The following RHBDD1 variants were observed in gnomAD, a reference collection of about 807,000 sequenced individuals.
RHBDD1 encodes rhomboid domain containing 1, also known as rhomboid-related protein 4.
In RHBDD1, 38 loss-of-function variants were observed where a neutral mutation model predicts 36.3. That is an observed-to-expected ratio of 1.05 (90% confidence interval 0.81 to 1.37). The LOEUF (loss-of-function observed/expected upper bound fraction) is 1.37. Ranked by LOEUF, RHBDD1 falls within the 40% of genes most tolerant of loss-of-function variation. RHBDD1 has a pLI of 0.00. For missense variants in RHBDD1, 393 were observed against 377.6 expected (o/e 1.04, Z -0.34); for synonymous variants, 151 against 136.5 (o/e 1.11, Z -0.74).
At chr2:226,929,720 A>G (rs1949901807) in intron 8 of RHBDD1, among the ~76,000 whole-genome samples, 1 of 151,986 alleles carries the variant, frequency 6.6e-6, no homozygotes, top group Non-Finnish European at 1.5e-5. Flanking sequence ...TTTGCTGATG[A>G]TATGATTGTA....
intron 8 of RHBDD1, among the ~76,000 whole-genome samples, chr2:226,919,155 A>AATT (rs1949126278): frequency 6.6e-6 from 1 of 152,008 alleles, no homozygotes; most frequent in Non-Finnish European, 1.5e-5. Flanking sequence ...ACAGTTTAAA[A>AATT]ATTAGATTAT....
intron 3 of RHBDD1, among the ~76,000 whole-genome samples, chr2:226,853,660 T>C (rs960811639): frequency 1.3e-5 from 2 of 152,242 alleles, no homozygotes; most frequent in South Asian, 2.1e-4. Context: ...CCAAAACTAC[T>C]GGAAGGACTT....
chr2:226,942,308 G>T (rs145463391), intron 8 of RHBDD1, among the ~76,000 whole-genome samples: 2 of 150,294 alleles, frequency 1.3e-5, no homozygotes, highest in Non-Finnish European at 2.9e-5. Flanking sequence ...GCATGATCTC[G>T]GCTCACTGCA....
At chr2:226,855,398 G>T (rs1041645791) in intron 3 of RHBDD1, among the ~76,000 whole-genome samples, 7 of 152,162 alleles carry the variant, frequency 4.6e-5, no homozygotes, top group Non-Finnish European at 1.0e-4. Flanking sequence ...TCCCAGCTTG[G>T]GAGGCTGCAG....
intron 3 of RHBDD1, among the ~76,000 whole-genome samples, chr2:226,859,842 C>T (rs113998264): frequency 5.9e-5 from 9 of 152,168 alleles, no homozygotes; most frequent in African/African-American, 2.2e-4. Flanking sequence ...CTGGGGAGTC[C>T]AGCTTCAGTT....
At chr2:226,929,909 CAA>C (rs1238774247) in intron 8 of RHBDD1, among the ~76,000 whole-genome samples, 1 of 151,496 alleles carries the variant, frequency 6.6e-6, no homozygotes, top group Non-Finnish European at 1.5e-5. Context: ...TGCAAACAAA[CAA>C]AACAAAAAAC....
At chr2:226,914,799 A>T (rs372299426) in intron 8 of RHBDD1, among the ~76,000 whole-genome samples, 2 of 152,270 alleles carry the variant, frequency 1.3e-5, no homozygotes, top group South Asian at 2.1e-4. Flanking sequence ...TGCTGAACCA[A>T]TCTGTCTGGG....
chr2:226,949,363 G>C (rs547006512), intron 8 of RHBDD1, among the ~76,000 whole-genome samples: 2 of 152,286 alleles, frequency 1.3e-5, no homozygotes, highest in Non-Finnish European at 2.9e-5. Flanking sequence ...TTAGGTTAGG[G>C]GAAGTTGGGG....
intron 5 of RHBDD1, among the ~76,000 whole-genome samples, chr2:226,900,576 G>A (rs566058990): frequency 5.0e-4 from 76 of 152,198 alleles, no homozygotes; most frequent in Middle Eastern, 3.4e-3. Flanking sequence ...TTTGTTAATT[G>A]AACATATATT....
chr2:226,863,206 A>G (rs13430678), intron 3 of RHBDD1, among the ~76,000 whole-genome samples: 35,847 of 151,916 alleles, frequency 0.24, 7,861 homozygotes, highest in African/African-American at 0.59. Flanking sequence ...AGGCATGGTG[A>G]CACATGCCTG....
Position 226,908,817 on chromosome 2 carries a change from T to A in RHBDD1, c.656-5T>A. Reference sequence around the variant, plus strand: ...CATTAAAATGTTTATTTCTTTTACGTTTAGGCGGTTTTTCCTCCAGTGTTG... The same window carrying A: ...CATTAAAATGTTTATTTCTTTTACGATTAGGCGGTTTTTCCTCCAGTGTTG... On this transcript the variant is annotated splice_region_variant and splice_polypyrimidine_tract_variant and intron_variant, in intron 6 of 8. Coordinates refer to ENST00000392062, the MANE Select transcript of RHBDD1 (RefSeq NM_001167608.3). 1 of 1,599,234 alleles carries A rather than the reference T, an allele frequency of 6.3e-7. No individual in the cohort carries two copies. The highest frequency in any genetic ancestry group is 8.6e-7 in the Non-Finnish European group (1 of 1,166,468).
intron 3 of RHBDD1, among the ~76,000 whole-genome samples, chr2:226,847,186 T>C (rs1383229190): frequency 6.6e-6 from 1 of 152,246 alleles, no homozygotes; most frequent in Admixed American, 6.5e-5. Context: ...TTCCCTAATA[T>C]ACAAGTTGCA....
intron 8 of RHBDD1, among the ~76,000 whole-genome samples, chr2:226,993,573 A>G (rs754946868): frequency 6.6e-6 from 1 of 152,244 alleles, no homozygotes; most frequent in Non-Finnish European, 1.5e-5. Context: ...AGATTCCTTT[A>G]CAAATACATA....
chr2:226,927,811 A>G (rs1370436799), intron 8 of RHBDD1, among the ~76,000 whole-genome samples: 2 of 151,886 alleles, frequency 1.3e-5, no homozygotes, highest in African/African-American at 4.8e-5. Flanking sequence ...TTGTTTTCTT[A>G]TCTTTGAGTT....
At position 226,995,401 on chromosome 2, in the gene RHBDD1, T is replaced by C. The variant is rs760366265; in HGVS notation, c.857-30T>C. 22 of 1,431,276 alleles carry C rather than the reference T, an allele frequency of 1.5e-5. No individual in the cohort carries two copies. The East Asian group carries it at 4.5e-4, about 30-fold the overall frequency. 88.7% of individuals were successfully genotyped at this position (1,431,276 alleles called of 1,614,324 possible). A position where few individuals can be genotyped will look rare whatever the true frequency, so the allele number is the denominator to read the frequency against. ...CACATGCCTTGTCACGTCAGAATGA[T>C]TGATTTTTCCTTTGGCTTTCTCACT... On this transcript the variant is annotated intron_variant, in intron 8 of 8. Transcript: ENST00000392062.
intron 8 of RHBDD1, chr2:226,988,506 C>T (rs897962566): frequency 3.9e-6 from 6 of 1,524,318 alleles, no homozygotes; most frequent in African/African-American, 2.8e-5. Flanking sequence ...TCAGGCCTTG[C>T]GAGGTGGATA....
intron 8 of RHBDD1, among the ~76,000 whole-genome samples, chr2:226,943,695 C>T (rs948832651): frequency 3.3e-5 from 5 of 152,068 alleles, no homozygotes; most frequent in South Asian, 2.1e-4. Context: ...AATTTTAAAC[C>T]TCAAGTAATT....
At chr2:226,848,801 G>A (rs1310033493) in intron 3 of RHBDD1, among the ~76,000 whole-genome samples, 1 of 152,142 alleles carries the variant, frequency 6.6e-6, no homozygotes. Context: ...CTTGGGAGCC[G>A]ATTATTTTGA....
intron 8 of RHBDD1, among the ~76,000 whole-genome samples, chr2:226,951,123 C>A (rs1432816170): frequency 2.0e-5 from 3 of 152,044 alleles, no homozygotes; most frequent in Non-Finnish European, 4.4e-5. Flanking sequence ...AGTCTTAAAT[C>A]TATTTCAAGT....
Sources: allele counts gnomAD v4.1 joint callset (sites outside exome capture counted in the v4.1 genomes callset), GRCh38; gene constraint gnomAD v4.1.1; transcripts MANE v1.5; gene names NCBI Gene and HGNC (gene_info 2026-07-23, HGNC 2026-07-21).